The following RBM15B variants were observed in gnomAD, a reference collection of about 807,000 sequenced individuals.
RBM15B encodes putative RNA-binding protein 15B.
RBM15B carries 11 observed loss-of-function variants against 53.3 expected under a neutral mutation model. The observed-to-expected ratio is 0.21, with a 90% CI of 0.13 to 0.34. The LOEUF is 0.34. Ranked by LOEUF, RBM15B falls within the 10% of genes least tolerant of loss-of-function variation. The pLI is 1.00. For synonymous variants in RBM15B, 631 were observed against 540.7 expected (o/e 1.17, Z -2.32); for missense variants, 1,136 against 1,250.3 (o/e 0.91, Z 1.38).
Position 51,394,248 on chromosome 3 carries a change from AT to A in RBM15B, c.*187del, listed in dbSNP as rs1264713667. On this transcript the variant is annotated 3_prime_UTR_variant, in exon 1 of 1. Coordinates refer to ENST00000563281, the MANE Select transcript of RBM15B (RefSeq NM_013286.5). ...AAACTAAGTTCTTAGATTTTGGGGGATTTTTTTTTTTAAACGATGAGAAGGG... is the reference window on the plus strand; with the variant it reads ...AAACTAAGTTCTTAGATTTTGGGGGATTTTTTTTTTAAACGATGAGAAGGG... 22,750 of 754,974 alleles carry A rather than the reference AT, an allele frequency of 0.03. No homozygotes were observed. The highest frequency in any genetic ancestry group is 0.041 in the East Asian group (886 of 21,556). The allele number at this position is 754,974 out of a possible 1,614,324, so 46.8% of individuals were successfully genotyped here. A position where few individuals can be genotyped will look rare whatever the true frequency, so the allele number is the denominator to read the frequency against.
chr3:51,391,893 G>C lies in RBM15B; in HGVS notation c.494G>C (p.Arg165Pro), dbSNP rs1553621608. The C allele has an allele frequency of 6.2e-7, 1 of 1,603,524 alleles. No homozygotes were observed. The highest frequency in any genetic ancestry group is 1.3e-5 in the African/African-American group (1 of 74,652). The part of the protein sequence containing the change: ...LEDRLFHQFK[R>P]FGEISLRLSH... ...GACCGGCTCTTCCACCAGTTCAAGC[G>C]CTTCGGCGAGATCAGCCTCCGCCTG... Residue 165 changes from arginine (R) to proline (P), a missense_variant, in exon 1 of 1, where the codon CGC becomes CCC. Coordinates refer to ENST00000563281, the MANE Select transcript of RBM15B (RefSeq NM_013286.5). This position sits in a 1 kb window ranked among gnomAD's most constrained non-coding sequence, Gnocchi z 4.5.
Position 51,391,558 on chromosome 3 carries a change from C to G in RBM15B, c.159C>G (p.Ala53=). 8.5e-7 allele frequency: 1 copy of G among 1,182,578 alleles called. No homozygotes were observed. The highest frequency in any genetic ancestry group is 1.0e-6 in the Non-Finnish European group (1 of 956,620). 73.3% of individuals were successfully genotyped at this position (1,182,578 alleles called of 1,614,324 possible). A position where few individuals can be genotyped will look rare whatever the true frequency, so the allele number is the denominator to read the frequency against. Residue 53 remains alanine, a synonymous_variant, in exon 1 of 1, where the codon GCC becomes GCG. Coordinates refer to ENST00000563281, the MANE Select transcript of RBM15B (RefSeq NM_013286.5). This position sits in a 1 kb window ranked among gnomAD's most constrained non-coding sequence, Gnocchi z 4.5. ...GGAKHPVPAR[A]RDKPRGSGSG... The stretch of plus-strand genomic sequence containing the variant: ...CCAAGCACCCGGTTCCAGCGCGGGC[C>G]CGCGACAAACCCCGCGGCAGCGGAA...
At position 51,391,982 on chromosome 3, in the gene RBM15B, G is replaced by A. The variant is rs782316104; in HGVS notation, c.583G>A (p.Glu195Lys). ...TTTCCGGCACCCACAGGACGCACGCGAGGCCCGCCAGCACGCCCTGGCCCG... is the reference window on the plus strand; with the variant it reads ...TTTCCGGCACCCACAGGACGCACGCAAGGCCCGCCAGCACGCCCTGGCCCG... ...VNFRHPQDAR[E>K]ARQHALARQL... The change falls in exon 1 of 1, where the codon GAG (glutamate) becomes AAG (lysine). Residue 195 changes from glutamate (E) to lysine (K), a missense_variant. Glu to Lys is a moderately conservative substitution (Grantham distance 56). This residue lies in a region of RBM15B where 204 missense variants were observed against 196.8 expected (regional missense o/e 1.04). Coordinates refer to ENST00000563281, the MANE Select transcript of RBM15B (RefSeq NM_013286.5). The surrounding 1 kb of genome is among the most constrained non-coding windows in gnomAD (Gnocchi z 4.5). The A allele has an allele frequency of 1.1e-5, 18 of 1,599,108 alleles. No individual in the cohort carries two copies. Among genetic ancestry groups the A allele is most frequent in the Non-Finnish European group, 1.5e-5 (18 of 1,178,010 alleles).
Position 51,396,420 on chromosome 3 carries a change from T to C in RBM15B, c.*2348T>C, listed in dbSNP as rs1553622975. On this transcript the variant is annotated 3_prime_UTR_variant, in exon 1 of 1. Transcript: ENST00000563281. The stretch of plus-strand genomic sequence containing the variant: ...TTAAGACCTAGCAGGTTCTGTGAAC[T>C]CTCAGGCCTTGGCCAGCACTAGTTA... 6.0e-6 allele frequency: 1 copy of C among 167,270 alleles called. No individual in the cohort carries two copies. The highest frequency in any genetic ancestry group is 2.4e-5 in the African/African-American group (1 of 41,450). 10.4% of individuals were successfully genotyped at this position (167,270 alleles called of 1,614,324 possible).
In RBM15B at chr3:51,395,857, G is replaced by GCAACA. The variant is rs2089166513; in HGVS notation, c.*1789_*1793dup. 3 of 413,536 alleles carry GCAACA rather than the reference G, an allele frequency of 7.3e-6. No homozygotes were observed. In the East Asian group the frequency reaches 1.1e-4, roughly 15 times the overall value. 25.6% of individuals were successfully genotyped at this position (413,536 alleles called of 1,614,324 possible). ...GAGCAAGCACGTTCATAACAAAACA[G>GCAACA]CAACACAAAGACATGTTAAGCATGT... On this transcript the variant is annotated 3_prime_UTR_variant, in exon 1 of 1. Transcript: ENST00000563281.
rs2089060727 is a variant in RBM15B, at chr3:51,392,803, C to T, written c.1404C>T (p.Ala468=). ...ACGAGAGCTTGGACGCAGCCCAGGCCGCCTGTGCTAAAATGAGGGGTTTTC... is the reference window on the plus strand; with the variant it reads ...ACGAGAGCTTGGACGCAGCCCAGGCTGCCTGTGCTAAAATGAGGGGTTTTC... The part of the protein sequence containing the change: ...IQYESLDAAQ[A]ACAKMRGFPL... The change falls in exon 1 of 1, where the codon GCC becomes GCT. Residue 468 remains alanine, a synonymous_variant. Transcript: ENST00000563281. This position sits in a 1 kb window ranked among gnomAD's most constrained non-coding sequence, Gnocchi z 7.5. 6.2e-6 allele frequency: 10 copies of T among 1,614,092 alleles called. No homozygotes were observed. Among genetic ancestry groups the T allele is most frequent in the Non-Finnish European group, 8.5e-6 (10 of 1,180,034 alleles).
At position 51,397,691 on chromosome 3, in the gene RBM15B, GAGTATA is replaced by G. The variant is rs2089299654; in HGVS notation, c.*3622_*3627del. On this transcript the variant is annotated 3_prime_UTR_variant, in exon 1 of 1. Coordinates refer to ENST00000563281, the MANE Select transcript of RBM15B (RefSeq NM_013286.5). ...GCTACACGGCAGGGGCAGACACTGTGAGTATAAGCTACTTTCCTCCCTGGAGTGCTC... is the reference window on the plus strand; with the variant it reads ...GCTACACGGCAGGGGCAGACACTGTGAGCTACTTTCCTCCCTGGAGTGCTC... 6.0e-6 allele frequency: 1 copy of G among 166,780 alleles called. No homozygotes were observed. Among genetic ancestry groups the G allele is most frequent in the Non-Finnish European group, 1.5e-5 (1 of 68,154 alleles). The allele number at this position is 166,780 out of a possible 1,614,324, so 10.3% of individuals were successfully genotyped here.
Position 51,396,241 on chromosome 3 carries a change from G to C in RBM15B, c.*2169G>C, listed in dbSNP as rs2089194399. The C allele has an allele frequency of 7.3e-6, 2 of 273,196 alleles. No individual in the cohort carries two copies. The highest frequency in any genetic ancestry group is 1.5e-5 in the Non-Finnish European group (2 of 137,748). The allele number at this position is 273,196 out of a possible 1,614,324, so 16.9% of individuals were successfully genotyped here. ...GGAAACATGCTAGAAAACGTGCCTA[G>C]AGAAGACACTTCAACCTTTGCCTTA... is the stretch of plus-strand genomic sequence containing the variant. On this transcript the variant is annotated 3_prime_UTR_variant, in exon 1 of 1. Coordinates refer to ENST00000563281, the MANE Select transcript of RBM15B (RefSeq NM_013286.5).
chr3:51,391,389 G>T lies in RBM15B; in HGVS notation c.-11G>T. The T allele has an allele frequency of 8.3e-7, 1 of 1,209,894 alleles. No individual in the cohort carries two copies. The highest frequency in any genetic ancestry group is 1.0e-6 in the Non-Finnish European group (1 of 975,142). 74.9% of individuals were successfully genotyped at this position (1,209,894 alleles called of 1,614,324 possible). On this transcript the variant is annotated 5_prime_UTR_variant, in exon 1 of 1. Coordinates refer to ENST00000563281, the MANE Select transcript of RBM15B (RefSeq NM_013286.5). This position sits in a 1 kb window ranked among gnomAD's most constrained non-coding sequence, Gnocchi z 4.5. ...GAAACCTACGGGCCGCCCGCCCGCC[G>T]CGCCAGCGCCATGAAGCGGCAGAGC...
chr3:51,394,888 CT>C lies in RBM15B; in HGVS notation c.*817del. On this transcript the variant is annotated 3_prime_UTR_variant, in exon 1 of 1. Coordinates refer to ENST00000563281, the MANE Select transcript of RBM15B (RefSeq NM_013286.5). ...GATCTGTCCAGGCTCCTGGTTCGGC[CT>C]ACTTTCTAGCCTCACTCAGCCCAGG... is the stretch of plus-strand genomic sequence containing the variant. 6.0e-6 allele frequency: 1 copy of C among 167,298 alleles called. No homozygotes were observed. The highest frequency in any genetic ancestry group is 3.4e-3 in the Middle Eastern group (1 of 296). The allele number at this position is 167,298 out of a possible 1,614,324, so 10.4% of individuals were successfully genotyped here. A position where few individuals can be genotyped will look rare whatever the true frequency, so the allele number is the denominator to read the frequency against.
rs1553621894 is a variant in RBM15B, at chr3:51,393,110, C to T, written c.1711C>T (p.Arg571Cys). The T allele has an allele frequency of 1.9e-6, 3 of 1,614,044 alleles. No homozygotes were observed. Among genetic ancestry groups the T allele is most frequent in the Admixed American group, 3.3e-5 (2 of 60,022 alleles). ...CCTTGAGGGCTACAGTCGCTCAGTG[C>T]GCAGCCGGAGTGGTGAGCGTTGGGG... ...NSLEGYSRSVRSRSGERWGAD... is the reference protein window; with the variant it reads ...NSLEGYSRSVCSRSGERWGAD... The change falls in exon 1 of 1, where the codon CGC (arginine) becomes TGC (cysteine). Residue 571 changes from arginine (R) to cysteine (C), a missense_variant. Around this residue, in one of 7 missense-constraint regions of RBM15B, gnomAD observed 578 missense variants for 581.6 expected, o/e 0.99. Coordinates refer to ENST00000563281, the MANE Select transcript of RBM15B (RefSeq NM_013286.5). This position sits in a 1 kb window ranked among gnomAD's most constrained non-coding sequence, Gnocchi z 5.6.
chr3:51,394,105 G>T lies in RBM15B; in HGVS notation c.*33G>T. On this transcript the variant is annotated 3_prime_UTR_variant, in exon 1 of 1. Transcript: ENST00000563281. ...CTGTCTTTCCCAGCGTCATGTTTGTGTCACAAAAGCAGTTATTTTAAAATC... is the reference window on the plus strand; with the variant it reads ...CTGTCTTTCCCAGCGTCATGTTTGTTTCACAAAAGCAGTTATTTTAAAATC... 7.2e-7 allele frequency: 1 copy of T among 1,390,500 alleles called. No individual in the cohort carries two copies. The highest frequency in any genetic ancestry group is 9.4e-7 in the Non-Finnish European group (1 of 1,066,724). 86.1% of individuals were successfully genotyped at this position (1,390,500 alleles called of 1,614,324 possible).
Position 51,393,167 on chromosome 3 carries a change from TG to T in RBM15B, c.1771del (p.Glu591LysfsTer118). On this transcript the variant is annotated frameshift_variant, in exon 1 of 1. Coordinates refer to ENST00000563281, the MANE Select transcript of RBM15B (RefSeq NM_013286.5). LOFTEE classifies it high-confidence loss of function. The surrounding 1 kb of genome is among the most constrained non-coding windows in gnomAD (Gnocchi z 5.6). The part of the protein sequence containing the change: ...ADGDRGLPKP[W>X]EERRKRRSLS... The stretch of plus-strand genomic sequence containing the variant: ...TGGAGACCGTGGTTTGCCCAAGCCC[TG>T]GGAAGAGAGGCGGAAACGGAGAAGC... The T allele has an allele frequency of 6.2e-7, 1 of 1,613,818 alleles. No individual in the cohort carries two copies. The highest frequency in any genetic ancestry group is 8.5e-7 in the Non-Finnish European group (1 of 1,179,868).
chr3:51,393,695 G>A lies in RBM15B; in HGVS notation c.2296G>A (p.Ala766Thr), dbSNP rs781899822. ...GAGCAAGCTGACCCAGCTGAAGATC[G>A]CCCAGCGCCTTCGACTGGACCAGCC... ...SGSKLTQLKI[A>T]QRLRLDQPKL... Residue 766 changes from alanine to threonine, a missense_variant, in exon 1 of 1, where the codon GCC becomes ACC. Transcript: ENST00000563281. This position sits in a 1 kb window ranked among gnomAD's most constrained non-coding sequence, Gnocchi z 5.6. The A allele has an allele frequency of 1.3e-4, 205 of 1,612,848 alleles. No homozygotes were observed. Among genetic ancestry groups the A allele is most frequent in the Non-Finnish European group, 1.7e-4 (203 of 1,179,628 alleles).
chr3:51,391,660 C>T lies in RBM15B; in HGVS notation c.261C>T (p.Gly87=). The T allele has an allele frequency of 8.3e-7, 1 of 1,205,772 alleles. No homozygotes were observed. The highest frequency in any genetic ancestry group is 1.0e-6 in the Non-Finnish European group (1 of 972,354). 74.7% of individuals were successfully genotyped at this position (1,205,772 alleles called of 1,614,324 possible). Residue 87 remains glycine (G), a synonymous_variant, in exon 1 of 1, where the codon GGC becomes GGT. Transcript: ENST00000563281. The surrounding 1 kb of genome is among the most constrained non-coding windows in gnomAD (Gnocchi z 4.5). ...GCGCGAGTAGCGGGCGCTCCTCGGGCTCCGGCGCTGGCGGCGGGGGACGCG... is the reference window on the plus strand; with the variant it reads ...GCGCGAGTAGCGGGCGCTCCTCGGGTTCCGGCGCTGGCGGCGGGGGACGCG... ...NHRASSGRSS[G]SGAGGGGRGG...
In RBM15B at chr3:51,393,466, G is replaced by C; in HGVS notation, c.2067G>C (p.Arg689=). The stretch of plus-strand genomic sequence containing the variant: ...CAAGAGACAGCGAGCGCAATCACCG[G>C]ACCACAGAGGCCGAGCCCAAGCCTC... ...KKARDSERNH[R]TTEAEPKPLE... is the part of the protein sequence containing the mutation. Residue 689 remains arginine, a synonymous_variant, in exon 1 of 1, where the codon CGG becomes CGC. Coordinates refer to ENST00000563281, the MANE Select transcript of RBM15B (RefSeq NM_013286.5). This position sits in a 1 kb window ranked among gnomAD's most constrained non-coding sequence, Gnocchi z 5.6. 3.1e-6 allele frequency: 5 copies of C among 1,613,856 alleles called. No homozygotes were observed. Among genetic ancestry groups the C allele is most frequent in the Non-Finnish European group, 4.2e-6 (5 of 1,179,936 alleles).
chr3:51,391,632 A>G lies in RBM15B; in HGVS notation c.233A>G (p.His78Arg). ...GGCCGCGGCACCGGGGACGCGAATC[A>G]CCGCGCGAGTAGCGGGCGCTCCTCG... Reference protein sequence around the residue: ...RDGRGTGDANHRASSGRSSGS... With the variant: ...RDGRGTGDANRRASSGRSSGS... Residue 78 changes from histidine to arginine, a missense_variant, in exon 1 of 1, where the codon CAC (histidine) becomes CGC (arginine). By Grantham distance (29) the His-to-Arg change is conservative. Around this residue, in one of 7 missense-constraint regions of RBM15B, gnomAD observed 257 missense variants for 261.1 expected, o/e 0.98. Coordinates refer to ENST00000563281, the MANE Select transcript of RBM15B (RefSeq NM_013286.5). The surrounding 1 kb of genome is among the most constrained non-coding windows in gnomAD (Gnocchi z 4.5). 8.4e-7 allele frequency: 1 copy of G among 1,189,218 alleles called. No individual in the cohort carries two copies. The highest frequency in any genetic ancestry group is 1.0e-6 in the Non-Finnish European group (1 of 961,218). The allele number at this position is 1,189,218 out of a possible 1,614,324, so 73.7% of individuals were successfully genotyped here. A position where few individuals can be genotyped will look rare whatever the true frequency, so the allele number is the denominator to read the frequency against.
rs370862382 is a variant in RBM15B, at chr3:51,395,270, TA to T, written c.*1200del. ...GAGGTGGAGACCATTGGGAAATAATTAATAGATATTTTTCTGGGGGGAAATC... is the reference window on the plus strand; with the variant it reads ...GAGGTGGAGACCATTGGGAAATAATTATAGATATTTTTCTGGGGGGAAATC... On this transcript the variant is annotated 3_prime_UTR_variant, in exon 1 of 1. Coordinates refer to ENST00000563281, the MANE Select transcript of RBM15B (RefSeq NM_013286.5). 1.8e-5 allele frequency: 3 copies of T among 166,326 alleles called. No homozygotes were observed. Among genetic ancestry groups the T allele is most frequent in the Admixed American group, 6.9e-5 (1 of 14,594 alleles). The allele number at this position is 166,326 out of a possible 1,614,324, so 10.3% of individuals were successfully genotyped here.
rs2089032496 is a variant in RBM15B, at chr3:51,391,326, T to TGCCTCCTCGGCC, written c.-70_-59dup. 22 of 1,131,304 alleles carry TGCCTCCTCGGCC rather than the reference T, an allele frequency of 1.9e-5. No individual in the cohort carries two copies. The highest frequency in any genetic ancestry group is 2.3e-5 in the Non-Finnish European group (21 of 915,466). The allele number at this position is 1,131,304 out of a possible 1,614,324, so 70.1% of individuals were successfully genotyped here. The stretch of plus-strand genomic sequence containing the variant: ...TCCAAGATGGCGGCGCCGGGGGCGC[T>TGCCTCCTCGGCC]GCCTCCTCGGCCGCCGCCTCCGCCG... On this transcript the variant is annotated 5_prime_UTR_variant, in exon 1 of 1. Transcript: ENST00000563281. This position sits in a 1 kb window ranked among gnomAD's most constrained non-coding sequence, Gnocchi z 4.5.
Sources: allele counts gnomAD v4.1 joint callset, GRCh38; gene constraint gnomAD v4.1.1; regional missense constraint gnomAD v4.1.1; non-coding constraint Gnocchi (gnomAD v3.1); transcripts MANE v1.5; gene names NCBI Gene and HGNC (gene_info 2026-07-23, HGNC 2026-07-21).